The following CPLX2 variants were observed in gnomAD, a reference collection of about 807,000 sequenced individuals.
CPLX2 encodes the protein complexin-2.
A neutral mutation model predicts 16.3 loss-of-function variants in CPLX2; 5 were observed. The observed-to-expected ratio is 0.31, with a 90% CI of 0.16 to 0.64. The LOEUF is 0.64. Ranked by LOEUF, CPLX2 falls within the 30% of genes least tolerant of loss-of-function variation. The pLI, the probability that CPLX2 is intolerant of heterozygous loss-of-function variation, is 0.79. For synonymous variants in CPLX2, 89 were observed against 73.2 expected (o/e 1.22, Z -1.10); for missense variants, 144 against 181.4 (o/e 0.79, Z 1.18).
chr5:175,871,458 A>AGAGAGAGAGG (rs1759608922), upstream of CPLX2: 20 of 79,956 alleles, frequency 2.5e-4, 3 homozygotes, highest in South Asian at 9.9e-4. Flanking sequence ...AGAGAGAGAG[A>AGAGAGAGAGG]GAGAGAGAGA....
intron 2 of CPLX2, among the ~76,000 whole-genome samples, chr5:175,836,121 C>A (rs556793312): frequency 1.3e-5 from 2 of 152,092 alleles, no homozygotes; most frequent in African/African-American, 4.8e-5. Context: ...GAGGCCAAGG[C>A]GGGCAGATCA....
intron 2 of CPLX2, among the ~76,000 whole-genome samples, chr5:175,847,865 G>T (rs1188623515): frequency 6.6e-6 from 1 of 152,214 alleles, no homozygotes; most frequent in Non-Finnish European, 1.5e-5. Context: ...ATGTCTGTCA[G>T]TCCCCCCGTG....
chr5:175,832,763 G>A, intron 2 of CPLX2, among the ~76,000 whole-genome samples: 1 of 152,126 alleles, frequency 6.6e-6, no homozygotes, highest in East Asian at 1.9e-4. Flanking sequence ...TGAATCTGAT[G>A]CTCAGACCAA....
chr5:175,879,033 G>C lies in CPLX2; in HGVS notation c.157G>C (p.Ala53Pro). Residue 53 changes from alanine to proline, a missense_variant, in exon 3 of 4, where the codon GCG becomes CCG. Coordinates refer to ENST00000393745, the MANE Select transcript of CPLX2 (RefSeq NM_001008220.2). ...QQEEERKAKHARMEAEREKVR... is the reference protein window; with the variant it reads ...QQEEERKAKHPRMEAEREKVR... ...GGAGGAGGAGCGTAAGGCCAAGCAC[G>C]CGCGCATGGAGGCGGAGCGGGAGAA... is the stretch of plus-strand genomic sequence containing the variant. The C allele has an allele frequency of 6.3e-7, 1 of 1,592,494 alleles. No homozygotes were observed. The highest frequency in any genetic ancestry group is 8.5e-7 in the Non-Finnish European group (1 of 1,169,948).
rs1581072180 is a variant in CPLX2 at position 175,816,103 on chromosome 5, A to C, written c.-89+7035A>C. On this transcript the variant is annotated intron_variant, in intron 2 of 4. Transcript: ENST00000359546. ...CCAGGCAGCATCCTTCCAATCGGTG[A>C]CTCCGGGATCTAGGCCGGCTCCGCC... is the stretch of plus-strand genomic sequence containing the variant. 2.6e-5 allele frequency among the ~76,000 whole-genome samples: 4 copies of C among 151,890 alleles called. No homozygotes were observed. The South Asian group carries it at 8.3e-4, about 32-fold the overall frequency.
At chr5:175,828,717 G>A (rs982598533) in intron 2 of CPLX2, among the ~76,000 whole-genome samples, 2 of 152,060 alleles carry the variant, frequency 1.3e-5, no homozygotes, top group African/African-American at 4.8e-5. Flanking sequence ...CCCCCACAGC[G>A]TCTTCCTCTT....
intron 2 of CPLX2, among the ~76,000 whole-genome samples, chr5:175,827,282 T>TG (rs1458189421): frequency 6.6e-6 from 1 of 152,192 alleles, no homozygotes; most frequent in Non-Finnish European, 1.5e-5. Flanking sequence ...TGAAGGTGAC[T>TG]GGGGGAGGAG....
In CPLX2 at chr5:175,855,016, T is replaced by G. The variant is rs138976445; in HGVS notation, c.-88-23636T>G. Among the ~76,000 whole-genome samples, 508 of 152,244 alleles carry G rather than the reference T, an allele frequency of 3.3e-3. 2 individuals are homozygous for G. The highest frequency in any genetic ancestry group is 0.012 in the African/African-American group (480 of 41,546). ...AATAATTATTGAAGTTCAGTGGAGC[T>G]CAGAAGAAAAATTATATTAGGCCAT... On this transcript the variant is annotated intron_variant, in intron 2 of 4. Transcript: ENST00000359546.
intron 3 of CPLX2, 62 bp downstream of exon 3, chr5:175,879,145 A>T: frequency 1.3e-6 from 2 of 1,491,710 alleles, no homozygotes; most frequent in Admixed American, 4.3e-5. Flanking sequence ...CGGTCCAGCT[A>T]AAGCCCCTGC....
At chr5:175,870,188 A>G (rs575146801), upstream of CPLX2, among the ~76,000 whole-genome samples, 1 of 152,320 alleles carries the variant, frequency 6.6e-6, no homozygotes, top group South Asian at 2.1e-4. Context: ...AGTGCTAAAC[A>G]TGGAACTCAG....
At position 175,809,701 on chromosome 5, in the gene CPLX2, G is replaced by A. The variant is rs544831156; in HGVS notation, c.-89+633G>A. On this transcript the variant is annotated intron_variant, in intron 2 of 4. Coordinates refer to the CPLX2 transcript ENST00000359546. The surrounding 1 kb of genome is among the most constrained non-coding windows in gnomAD (Gnocchi z 4.4). Reference sequence around the variant, plus strand: ...ACCTCAGCTCCTCTTCCAGGTGGCCGGCCAAGCTCGGATCACACCCGGCAT... The same window carrying A: ...ACCTCAGCTCCTCTTCCAGGTGGCCAGCCAAGCTCGGATCACACCCGGCAT... Among the ~76,000 whole-genome samples the A allele has an allele frequency of 4.6e-5, 7 of 152,084 alleles. No homozygotes were observed. The highest frequency in any genetic ancestry group is 7.4e-5 in the Non-Finnish European group (5 of 68,006).
chr5:175,825,937 CAAAAAAAAAAAAA>C (rs35250246), intron 2 of CPLX2, among the ~76,000 whole-genome samples: 1 of 44,420 alleles, frequency 2.3e-5, no homozygotes, highest in Non-Finnish European at 3.9e-5. Context: ...TGAATAAGTG[CAAAAAAAAAAAAA>C]AAAAAAAAAG....
At chr5:175,865,179 G>C (rs890472936) in intron 2 of CPLX2, among the ~76,000 whole-genome samples, 7 of 152,148 alleles carry the variant, frequency 4.6e-5, no homozygotes, top group African/African-American at 1.4e-4. Context: ...TCCTCGACCA[G>C]AGGCCCCATA....
At position 175,833,002 on chromosome 5, in the gene CPLX2, A is replaced by G. The variant is rs545574398; in HGVS notation, c.-89+23934A>G. On this transcript the variant is annotated intron_variant, in intron 2 of 4. Transcript: ENST00000359546. ...AAAACCCCGTCTCTACTACAAATAC[A>G]AAAATTAGCTAGGCATAGTGGCAGG... Among the ~76,000 whole-genome samples, 8 of 152,216 alleles carry G rather than the reference A, an allele frequency of 5.3e-5. No individual in the cohort carries two copies. In the East Asian group the frequency reaches 1.5e-3, roughly 29 times the overall value.
intron 2 of CPLX2, among the ~76,000 whole-genome samples, chr5:175,826,454 T>C (rs1013180218): frequency 4.6e-5 from 7 of 152,124 alleles, no homozygotes; most frequent in Non-Finnish European, 1.0e-4. Context: ...TGAGCATACC[T>C]GGGGTGGGGC....
chr5:175,802,885 G>A (rs778289596), intron 1 of CPLX2, among the ~76,000 whole-genome samples: 4 of 151,490 alleles, frequency 2.6e-5, no homozygotes, highest in Non-Finnish European at 5.9e-5. Flanking sequence ...AGACTGGAGT[G>A]CAGTGTCATG....
intron 2 of CPLX2, among the ~76,000 whole-genome samples, chr5:175,862,552 C>T (rs1206675750): frequency 2.0e-5 from 3 of 152,286 alleles, no homozygotes; most frequent in Non-Finnish European, 2.9e-5. Flanking sequence ...TGATGGGGCA[C>T]AAGTGGCTAC....
At chr5:175,865,182 G>A (rs1271986664) in intron 2 of CPLX2, among the ~76,000 whole-genome samples, 1 of 152,080 alleles carries the variant, frequency 6.6e-6, no homozygotes, top group Non-Finnish European at 1.5e-5. Context: ...TCGACCAGAG[G>A]CCCCATAAGC....
At chr5:175,829,859 A>G (rs1469695217) in intron 2 of CPLX2, among the ~76,000 whole-genome samples, 2 of 152,216 alleles carry the variant, frequency 1.3e-5, no homozygotes, top group Admixed American at 1.3e-4. Flanking sequence ...ACGCAGACCT[A>G]GCTGGGGCCA....
Sources: gnomAD v4.1 joint callset for allele counts (sites outside exome capture counted in the v4.1 genomes callset) on GRCh38, gnomAD v4.1.1 for gene constraint, Gnocchi (gnomAD v3.1) non-coding constraint, MANE v1.5 for transcripts, NCBI Gene and HGNC (gene_info 2026-07-23, HGNC 2026-07-21) for gene names.